The following TRIP11 variants were observed in gnomAD, a reference collection of about 807,000 sequenced individuals.
The protein encoded by TRIP11 is thyroid hormone receptor interactor 11.
In TRIP11, 148 loss-of-function variants were observed where a neutral mutation model predicts 223.1. That is an observed-to-expected ratio of 0.66 (90% CI 0.58 to 0.76). TRIP11 has a LOEUF of 0.76. Among genes scored for constraint, TRIP11 ranks in the 30% least tolerant of loss-of-function variants. The pLI is 0.00. For missense variants in TRIP11, 2,043 were observed against 2,222.0 expected (o/e 0.92, Z 1.62); for synonymous variants, 762 against 772.6 (o/e 0.99, Z 0.23).
At chr14:92,020,613 G>A (rs1195380015) in intron 4 of TRIP11, among the ~76,000 whole-genome samples, 1 of 151,330 alleles carries the variant, frequency 6.6e-6, no homozygotes, top group African/African-American at 2.4e-5. Context: ...AGAAGAGAAG[G>A]TTCTTGGTTC....
chr14:92,024,759 G>A (rs1272825801), intron 3 of TRIP11, among the ~76,000 whole-genome samples: 6 of 152,142 alleles, frequency 3.9e-5, no homozygotes, highest in Admixed American at 3.9e-4. Flanking sequence ...AAACACTAAA[G>A]AGAATTCAGT....
chr14:92,006,203 C>T lies in TRIP11; in HGVS notation c.1773G>A (p.Gln591=). The T allele has an allele frequency of 6.2e-7, 1 of 1,613,278 alleles. No homozygotes were observed. Among genetic ancestry groups the T allele is most frequent in the South Asian group, 1.1e-5 (1 of 90,976 alleles). Residue 591 remains glutamine, a synonymous_variant, in exon 11 of 21, where the codon CAG becomes CAA. Coordinates refer to ENST00000267622, the MANE Select transcript of TRIP11 (RefSeq NM_004239.4). ...CATTACTTTCTTGTGATTTATTTAG[C>T]TGATCTACTAAATTTTCTACTTTGT... ...LEDKVENLVD[Q]LNKSQESNVS... is the part of the protein sequence containing the mutation.
chr14:92,004,701 T>G lies in TRIP11; in HGVS notation c.3275A>C (p.Gln1092Pro). ...QDVVYLQQQL[Q>P]AYAMEREKVF... The stretch of plus-strand genomic sequence containing the variant: ...CTTTTCTCTTTCCATAGCATAAGCC[T>G]GCAGTTGCTGTTGAAGGTAAACAAC... The change falls in exon 11 of 21, where the codon CAG becomes CCG. Residue 1092 changes from glutamine to proline, a missense_variant. Transcript: ENST00000267622. 4 of 1,614,160 alleles carry G rather than the reference T, an allele frequency of 2.5e-6. No individual in the cohort carries two copies. The highest frequency in any genetic ancestry group is 3.4e-6 in the Non-Finnish European group (4 of 1,180,020).
Position 92,004,456 on chromosome 14 carries a change from C to A in TRIP11, c.3520G>T (p.Asp1174Tyr). ...GTCTGACATTTCTGACTTAGTGCATCTATTTCGATGTCTTTTTCTCGAATG... is the reference window on the plus strand; with the variant it reads ...GTCTGACATTTCTGACTTAGTGCATATATTTCGATGTCTTTTTCTCGAATG... Reference protein sequence around the residue: ...RIIREKDIEIDALSQKCQTLL... With the variant: ...RIIREKDIEIYALSQKCQTLL... The change falls in exon 11 of 21, where the codon GAT becomes TAT. Residue 1174 changes from aspartate to tyrosine, a missense_variant. Physicochemically the swap from Asp to Tyr is radical, Grantham distance 160. Coordinates refer to ENST00000267622, the MANE Select transcript of TRIP11 (RefSeq NM_004239.4). 6.2e-7 allele frequency: 1 copy of A among 1,613,758 alleles called. No homozygotes were observed. Among genetic ancestry groups the A allele is most frequent in the Non-Finnish European group, 8.5e-7 (1 of 1,180,026 alleles).
intron 2 of TRIP11, chr14:92,030,852 A>C (rs1433788712): frequency 1.3e-5 from 2 of 152,256 alleles, no homozygotes; most frequent in Non-Finnish European, 2.9e-5. Flanking sequence ...TATAAATCTA[A>C]GAATAAACAT....
intron 13 of TRIP11, among the ~76,000 whole-genome samples, chr14:91,998,215 C>T (rs149342584): frequency 6.6e-6 from 1 of 152,158 alleles, no homozygotes; most frequent in East Asian, 1.9e-4. Flanking sequence ...AATAGGAATA[C>T]AAATGGACAC....
Position 92,025,408 on chromosome 14 carries a change from T to C in TRIP11, c.214A>G (p.Lys72Glu), listed in dbSNP as rs548721041. Residue 72 changes from lysine to glutamate, a missense_variant, in exon 3 of 21, where the codon AAG becomes GAG. By Grantham distance (56) the Lys-to-Glu change is moderately conservative. Coordinates refer to ENST00000267622, the MANE Select transcript of TRIP11 (RefSeq NM_004239.4). ...TCTTCTAGATCAGTACAAAGTTTCTTAAGCCTTTCATTCTAGAAAAAAAAA... is the reference window on the plus strand; with the variant it reads ...TCTTCTAGATCAGTACAAAGTTTCTCAAGCCTTTCATTCTAGAAAAAAAAA... ...AILRSENERL[K>E]KLCTDLEEKH... The C allele has an allele frequency of 2.3e-4, 375 of 1,612,400 alleles. 2 individuals are homozygous for C. The South Asian group carries it at 3.8e-3, about 17-fold the overall frequency.
rs2056441764 is a variant in TRIP11, at chr14:91,974,666, G to T, written c.5535C>A (p.Asn1845Lys). The T allele has an allele frequency of 1.2e-6, 2 of 1,612,556 alleles. No homozygotes were observed. The highest frequency in any genetic ancestry group is 1.3e-5 in the African/African-American group (1 of 74,954). Reference sequence around the variant, plus strand: ...ATTGCTGATTTGGTCTCAAAGGTGTGTTGGGAACACTTTTTGATCCTCCTC... The same window carrying T: ...ATTGCTGATTTGGTCTCAAAGGTGTTTTGGGAACACTTTTTGATCCTCCTC... ...WLGGGSKSVP[N>K]TPLRPNQQSV... The change falls in exon 19 of 21, where the codon AAC (asparagine) becomes AAA (lysine). Residue 1845 changes from asparagine (N) to lysine (K), a missense_variant. Transcript: ENST00000267622.
Position 92,021,600 on chromosome 14 carries a change from A to C in TRIP11, c.544T>G (p.Ser182Ala). The C allele has an allele frequency of 6.2e-7, 1 of 1,614,210 alleles. No homozygotes were observed. ...QEINRLSNEVSRLESEVGHWR... is the reference protein window; with the variant it reads ...QEINRLSNEVARLESEVGHWR... ...TGGCCAACTTCAGACTCAAGTCTTG[A>C]AACTTCATTTGAGAGTCGGTTTATT... is the stretch of plus-strand genomic sequence containing the variant. The change falls in exon 4 of 21, where the codon TCA (serine) becomes GCA (alanine). Residue 182 changes from serine to alanine, a missense_variant. By Grantham distance (99) the Ser-to-Ala change is moderately conservative. Transcript: ENST00000267622.
In TRIP11 at chr14:91,975,185, T is replaced by A; in HGVS notation, c.5444A>T (p.Glu1815Val). The A allele has an allele frequency of 6.2e-7, 1 of 1,613,236 alleles. No individual in the cohort carries two copies. The highest frequency in any genetic ancestry group is 1.3e-5 in the African/African-American group (1 of 74,992). The change falls in exon 18 of 21, where the codon GAG (glutamate) becomes GTG (valine). Residue 1815 changes from glutamate to valine, a missense_variant. Transcript: ENST00000267622. ...TCGTCCAGTCACCTGCTCCATCTCC[T>A]CCCTTCTGACGCCCAGGATGCTCCC... is the stretch of plus-strand genomic sequence containing the variant. ...LMGSILGVRR[E>V]EMEQLFHDDQ...
At position 92,005,450 on chromosome 14, in the gene TRIP11, T is replaced by G; in HGVS notation, c.2526A>C (p.Glu842Asp). ...DKYSQALRKN[E>D]ILRQTIEEKD... Reference sequence around the variant, plus strand: ...TTTCCTCTATGGTCTGTCTTAAAATTTCATTTTTTCTTAAGGCCTGAGAAT... The same window carrying G: ...TTTCCTCTATGGTCTGTCTTAAAATGTCATTTTTTCTTAAGGCCTGAGAAT... Residue 842 changes from glutamate to aspartate, a missense_variant, in exon 11 of 21, where the codon GAA becomes GAC. Transcript: ENST00000267622. The G allele has an allele frequency of 6.2e-7, 1 of 1,614,102 alleles. No homozygotes were observed. Among genetic ancestry groups the G allele is most frequent in the Non-Finnish European group, 8.5e-7 (1 of 1,180,022 alleles).
At chr14:92,018,097 C>CTT (rs560446477) in intron 4 of TRIP11, among the ~76,000 whole-genome samples, 17 of 139,322 alleles carry the variant, frequency 1.2e-4, no homozygotes, top group African/African-American at 2.9e-4. Context: ...TTTTTCCTTT[C>CTT]TTTTTTTTTT....
chr14:92,029,443 G>A (rs1208854893), intron 2 of TRIP11, among the ~76,000 whole-genome samples: 2 of 151,726 alleles, frequency 1.3e-5, no homozygotes, highest in Admixed American at 6.6e-5. Context: ...TTACAGGCAC[G>A]TGCTACCACA....
intron 15 of TRIP11, among the ~76,000 whole-genome samples, chr14:91,991,644 G>A (rs1327401681): frequency 6.6e-6 from 1 of 152,126 alleles, no homozygotes; most frequent in Non-Finnish European, 1.5e-5. Flanking sequence ...ATGTTTAGAA[G>A]ATATCTGAAA....
chr14:92,009,185 C>A (rs1013876682), intron 9 of TRIP11, among the ~76,000 whole-genome samples: 5 of 152,146 alleles, frequency 3.3e-5, no homozygotes, highest in African/African-American at 1.2e-4. Flanking sequence ...CTCATAGGTA[C>A]TTTTTAAAAA....
intron 3 of TRIP11, among the ~76,000 whole-genome samples, chr14:92,023,628 G>A (rs2057141543): frequency 6.6e-6 from 1 of 152,080 alleles, no homozygotes; most frequent in Non-Finnish European, 1.5e-5. Context: ...TCTCCTAGGT[G>A]GTGTAAACAT....
intron 14 of TRIP11, among the ~76,000 whole-genome samples, chr14:91,994,895 T>C (rs1347409659): frequency 1.3e-5 from 2 of 152,214 alleles, no homozygotes; most frequent in African/African-American, 4.8e-5. Context: ...CATAGATGAA[T>C]AGCTATGAAC....
In TRIP11 at chr14:91,966,550, A is replaced by C. The variant is rs1169937595; in HGVS notation, c.*3123T>G. ...CCCCATTGATTGGATAAGTATTTTGATAGTTTCTGTACTCTTTTCAATTAA... is the reference window on the plus strand; with the variant it reads ...CCCCATTGATTGGATAAGTATTTTGCTAGTTTCTGTACTCTTTTCAATTAA... On this transcript the variant is annotated 3_prime_UTR_variant, in exon 21 of 21. Coordinates refer to ENST00000267622, the MANE Select transcript of TRIP11 (RefSeq NM_004239.4). 4.9e-6 allele frequency: 1 copy of C among 204,576 alleles called. No homozygotes were observed. Among genetic ancestry groups the C allele is most frequent in the Non-Finnish European group, 1.0e-5 (1 of 99,890 alleles). The allele number at this position is 204,576 out of a possible 1,614,324, so 12.7% of individuals were successfully genotyped here.
At chr14:92,007,358 G>A (rs1045557933) in intron 10 of TRIP11, among the ~76,000 whole-genome samples, 11 of 152,182 alleles carry the variant, frequency 7.2e-5, no homozygotes, top group African/African-American at 2.7e-4. Context: ...TAGAGTAAGA[G>A]TCAACGAACT....
Sources: gnomAD v4.1 joint callset for allele counts (sites outside exome capture counted in the v4.1 genomes callset) on GRCh38, gnomAD v4.1.1 for gene constraint, MANE v1.5 for transcripts, NCBI Gene and HGNC (gene_info 2026-07-23, HGNC 2026-07-21) for gene names.